Variants in HDAC9 observed in about 807,000 individuals in gnomAD.
HDAC9 encodes the protein histone deacetylase 9, also known as MEF-2 interacting transcription repressor (MITR) protein.
A neutral mutation model predicts 139.4 loss-of-function variants in HDAC9; 41 were observed. That is an observed-to-expected ratio of 0.29 (90% CI 0.23 to 0.38). The LOEUF (loss-of-function observed/expected upper bound fraction) is 0.38. Ranked by LOEUF, HDAC9 falls within the 10% of genes least tolerant of loss-of-function variation. The pLI is 1.00. For missense variants in HDAC9, 1,147 were observed against 1,297.0 expected, an observed-to-expected ratio of 0.88 and a Z score of 1.78; for synonymous variants, 517 against 476.2, an observed-to-expected ratio of 1.09 and a Z score of -1.12.
intron 8 of HDAC9, among the ~76,000 whole-genome samples, chr7:18,642,517 A>T (rs1785994555): frequency 6.6e-6 from 1 of 152,128 alleles, no homozygotes; most frequent in African/African-American, 2.4e-5. Context: ...CAGTTTCCTC[A>T]TCGACAGCAT....
intron 1 of HDAC9, among the ~76,000 whole-genome samples, chr7:18,126,391 A>G (rs1365626938): frequency 6.6e-6 from 1 of 152,170 alleles, no homozygotes; most frequent in Non-Finnish European, 1.5e-5. Context: ...TCAGACAGGC[A>G]AGACTTGGAT....
At chr7:18,363,476 G>A (rs117246923) in intron 1 of HDAC9, among the ~76,000 whole-genome samples, 1 of 152,032 alleles carries the variant, frequency 6.6e-6, no homozygotes, top group East Asian at 1.9e-4. Flanking sequence ...GACTTCTGAT[G>A]GTTCATTTTC....
At chr7:18,666,700 A>T (rs1400342247) in intron 12 of HDAC9, 1 of 1,304,776 alleles carries the variant, frequency 7.7e-7, no homozygotes, top group Non-Finnish European at 9.8e-7. Context: ...TTTCATTGAA[A>T]ATCCACTGGT....
At position 18,983,788 on chromosome 7, in the gene HDAC9, G is replaced by A. The variant is rs568584588; in HGVS notation, c.3170+7835G>A. ...GTCTTTATAATTTTAGCCTTTTATTGTGGGTGTGGAGTGATATTTCATTGT... is the reference window on the plus strand; with the variant it reads ...GTCTTTATAATTTTAGCCTTTTATTATGGGTGTGGAGTGATATTTCATTGT... On this transcript the variant is annotated intron_variant, in intron 25 of 25. Transcript: ENST00000686413. Among the ~76,000 whole-genome samples the A allele has an allele frequency of 2.0e-5, 3 of 152,046 alleles. No homozygotes were observed. The South Asian group carries it at 6.2e-4, about 32-fold the overall frequency.
At chr7:18,948,085 T>C (rs1352386489) in intron 23 of HDAC9, among the ~76,000 whole-genome samples, 1 of 152,020 alleles carries the variant, frequency 6.6e-6, no homozygotes, top group Admixed American at 6.6e-5. Context: ...TGATAAAGGA[T>C]AGCTACAAAA....
intron 22 of HDAC9, among the ~76,000 whole-genome samples, chr7:18,932,848 A>AAAG (rs1804881294): frequency 2.2e-5 from 3 of 138,204 alleles, no homozygotes; most frequent in Admixed American, 7.4e-5. Flanking sequence ...AGGAAGGAAA[A>AAAG]AAAGAAAGAA....
At chr7:18,819,134 G>A (rs1038064544) in intron 17 of HDAC9, among the ~76,000 whole-genome samples, 3 of 152,112 alleles carry the variant, frequency 2.0e-5, no homozygotes, top group Non-Finnish European at 4.4e-5. Context: ...ACAAAAATTA[G>A]ACAGGCTTTA....
intron 23 of HDAC9, among the ~76,000 whole-genome samples, chr7:18,937,712 C>A (rs1213942642): frequency 6.6e-6 from 1 of 152,038 alleles, no homozygotes; most frequent in African/African-American, 2.4e-5. Flanking sequence ...AGGCTTACAC[C>A]AGATGTGCAG....
intron 20 of HDAC9, 114 bp downstream of exon 20, chr7:18,835,700 A>G: frequency 7.1e-7 from 1 of 1,405,500 alleles, no homozygotes; most frequent in South Asian, 1.2e-5. Context: ...ACACGAGATT[A>G]CTGAATTGTC....
chr7:18,977,952 A>ACACC (rs1313736121), intron 25 of HDAC9, among the ~76,000 whole-genome samples: 2 of 151,580 alleles, frequency 1.3e-5, no homozygotes, highest in Non-Finnish European at 2.9e-5. Context: ...ACACACACAC[A>ACACC]CACACACAGA....
At chr7:18,348,338 AG>A (rs998689698) in intron 1 of HDAC9, among the ~76,000 whole-genome samples, 18 of 152,214 alleles carry the variant, frequency 1.2e-4, no homozygotes, top group African/African-American at 4.3e-4. Context: ...ACTATGGACC[AG>A]ATTTGAGCAC....
At chr7:18,277,220 CAGA>C (rs1584967547) in intron 2 of HDAC9, among the ~76,000 whole-genome samples, 1 of 152,112 alleles carries the variant, frequency 6.6e-6, no homozygotes, top group African/African-American at 2.4e-5. Flanking sequence ...TTGTGCACTC[CAGA>C]AGAAGTAGGA....
chr7:18,465,217 A>G (rs976977521), intron 1 of HDAC9, among the ~76,000 whole-genome samples: 2 of 151,928 alleles, frequency 1.3e-5, no homozygotes, highest in African/African-American at 4.8e-5. Context: ...GGTTAATTTT[A>G]TATTGCTTCT....
intron 1 of HDAC9, among the ~76,000 whole-genome samples, chr7:18,294,749 G>A (rs1161185114): frequency 6.6e-6 from 1 of 152,120 alleles, no homozygotes; most frequent in East Asian, 1.9e-4. Flanking sequence ...TAGTTGCAGA[G>A]TGGAGAATAG....
At chr7:18,946,758 G>T (rs1156980526) in intron 23 of HDAC9, among the ~76,000 whole-genome samples, 3 of 151,976 alleles carry the variant, frequency 2.0e-5, no homozygotes, top group Admixed American at 6.6e-5. Context: ...AAACCATGAA[G>T]AAAATAAAAG....
intron 22 of HDAC9, among the ~76,000 whole-genome samples, chr7:18,914,738 C>A (rs1803038994): frequency 7.3e-6 from 1 of 137,214 alleles, no homozygotes; most frequent in Admixed American, 7.1e-5. Flanking sequence ...TAAAAGATGA[C>A]TAGTAGTCAC....
chr7:18,335,374 C>T (rs1451792786), intron 1 of HDAC9, among the ~76,000 whole-genome samples: 2 of 151,430 alleles, frequency 1.3e-5, no homozygotes, highest in African/African-American at 2.4e-5. Context: ...GCAGGTAGGA[C>T]GGTGACCCAG....
intron 1 of HDAC9, among the ~76,000 whole-genome samples, chr7:18,441,960 C>A (rs1312734335): frequency 1.3e-5 from 2 of 152,056 alleles, no homozygotes; most frequent in Admixed American, 6.6e-5. Flanking sequence ...TTAGTAGAGA[C>A]AGGGTTTCAC....
intron 12 of HDAC9, among the ~76,000 whole-genome samples, chr7:18,695,619 G>C (rs981693323): frequency 1.4e-4 from 21 of 152,156 alleles, no homozygotes; most frequent in African/African-American, 4.8e-4. Flanking sequence ...TAGAGATACA[G>C]GATTTAGTTT....
Sources: allele counts gnomAD v4.1 joint callset (sites outside exome capture counted in the v4.1 genomes callset), GRCh38; gene constraint gnomAD v4.1.1; transcripts MANE v1.5; gene names NCBI Gene and HGNC (gene_info 2026-07-23, HGNC 2026-07-21).